LRRTM4: variants seen among roughly 807,000 people sequenced by gnomAD.
LRRTM4 encodes the protein leucine rich repeat transmembrane neuronal 4.
Under a neutral mutation model 47.6 loss-of-function variants are expected in LRRTM4, and 25 were observed. The ratio of observed to expected loss-of-function variants is 0.53; its 90% CI spans 0.38 to 0.73. The LOEUF (loss-of-function observed/expected upper bound fraction) is 0.73, where lower values mean the gene tolerates loss of function less well. Ranked by LOEUF, LRRTM4 falls within the 30% of genes least tolerant of loss-of-function variation. The pLI is 0.00. For synonymous variants in LRRTM4, 311 were observed against 269.5 expected (o/e 1.15, Z -1.51); for missense variants, 638 against 713.4 (o/e 0.89, Z 1.20).
chr2:77,407,750 T>G (rs1674271694), intron 3 of LRRTM4, among the ~76,000 whole-genome samples: 1 of 142,908 alleles, frequency 7.0e-6, no homozygotes, highest in African/African-American at 2.6e-5. Flanking sequence ...TATTCTATTA[T>G]ATTATGATAT....
At chr2:77,247,432 G>A (rs534665094) in intron 3 of LRRTM4, among the ~76,000 whole-genome samples, 16 of 152,086 alleles carry the variant, frequency 1.1e-4, no homozygotes, top group African/African-American at 1.4e-4. Context: ...TGAAAAAACC[G>A]TCTGTCTATT....
At position 76,971,648 on chromosome 2, in the gene LRRTM4, A is replaced by G. The variant is rs138941607; in HGVS notation, c.1552-222732T>C. On this transcript the variant is annotated intron_variant, in intron 3 of 3. Transcript: ENST00000409884. The stretch of plus-strand genomic sequence containing the variant: ...TGGAGCAAGCATGGGTGGTAAAAAG[A>G]GAATAAGAAGTAAGCTTGGAATTGA... Among the ~76,000 whole-genome samples, 27 of 152,186 alleles carry G rather than the reference A, an allele frequency of 1.8e-4. No homozygotes were observed. In the South Asian group the frequency reaches 3.7e-3, roughly 21 times the overall value.
chr2:77,482,083 G>A (rs1034982712), intron 3 of LRRTM4, among the ~76,000 whole-genome samples: 5 of 151,956 alleles, frequency 3.3e-5, no homozygotes, highest in East Asian at 1.9e-4. Flanking sequence ...TTATATATTC[G>A]GGTCAATGGA....
intron 3 of LRRTM4, among the ~76,000 whole-genome samples, chr2:77,175,663 G>A (rs533660600): frequency 2.0e-5 from 3 of 152,156 alleles, no homozygotes; most frequent in South Asian, 4.1e-4. Flanking sequence ...AAAATACCAT[G>A]GGCCCCCAGA....
intron 3 of LRRTM4, among the ~76,000 whole-genome samples, chr2:77,186,766 C>G (rs1673515709): frequency 6.6e-6 from 1 of 152,040 alleles, no homozygotes; most frequent in Admixed American, 6.6e-5. Context: ...GAGATTTATA[C>G]TGAGCAAATA....
chr2:77,384,401 C>G, intron 3 of LRRTM4, among the ~76,000 whole-genome samples: 1 of 151,868 alleles, frequency 6.6e-6, no homozygotes, highest in East Asian at 1.9e-4. Flanking sequence ...TCTTAAAGAA[C>G]TCAGTGTATT....
At chr2:77,119,540 G>A (rs553466267) in intron 3 of LRRTM4, among the ~76,000 whole-genome samples, 1 of 151,888 alleles carries the variant, frequency 6.6e-6, no homozygotes, top group East Asian at 1.9e-4. Context: ...ATTTATGCAA[G>A]TCATGTTTGT....
intron 3 of LRRTM4, among the ~76,000 whole-genome samples, chr2:76,957,122 A>T (rs1675700605): frequency 6.6e-6 from 1 of 151,754 alleles, no homozygotes; most frequent in African/African-American, 2.4e-5. Context: ...ACATGGATAC[A>T]CTTTAAAGAC....
chr2:77,090,854 C>T (rs540323403), intron 3 of LRRTM4, among the ~76,000 whole-genome samples: 79 of 152,230 alleles, frequency 5.2e-4, no homozygotes, highest in Middle Eastern at 3.4e-3. Flanking sequence ...TGACGCTGCC[C>T]GATTGCCTCG....
intron 3 of LRRTM4, among the ~76,000 whole-genome samples, chr2:77,377,154 T>C (rs1672870773): frequency 6.6e-6 from 1 of 151,940 alleles, no homozygotes; most frequent in Admixed American, 6.6e-5. Flanking sequence ...TTTTGTGTTT[T>C]AAACACTTTT....
chr2:77,402,378 G>C (rs918325388), intron 3 of LRRTM4, among the ~76,000 whole-genome samples: 2 of 151,794 alleles, frequency 1.3e-5, no homozygotes, highest in Non-Finnish European at 1.5e-5. Flanking sequence ...CAAACTGCTG[G>C]GCTTAAGCAA....
chr2:77,190,966 T>C (rs1046501497), intron 3 of LRRTM4, among the ~76,000 whole-genome samples: 1 of 152,210 alleles, frequency 6.6e-6, no homozygotes, highest in African/African-American at 2.4e-5. Flanking sequence ...TTTGTTATGC[T>C]ACTGAGTTTA....
intron 3 of LRRTM4, among the ~76,000 whole-genome samples, chr2:77,428,814 T>C (rs969325695): frequency 6.6e-6 from 1 of 152,216 alleles, no homozygotes; most frequent in Non-Finnish European, 1.5e-5. Context: ...TAAAGTTTAA[T>C]TGCCTTGTGA....
intron 3 of LRRTM4, among the ~76,000 whole-genome samples, chr2:77,126,335 TA>T (rs1201075992): frequency 2.6e-5 from 4 of 152,132 alleles, no homozygotes; most frequent in Non-Finnish European, 5.9e-5. Flanking sequence ...GACAAATTAA[TA>T]AAGAAATATA....
At chr2:77,365,833 G>C (rs1672421553) in intron 3 of LRRTM4, among the ~76,000 whole-genome samples, 1 of 150,364 alleles carries the variant, frequency 6.7e-6, no homozygotes, top group Admixed American at 6.7e-5. Flanking sequence ...GTATACTTAA[G>C]ACTAGGAGAA....
intron 3 of LRRTM4, among the ~76,000 whole-genome samples, chr2:76,774,131 C>T (rs984035599): frequency 1.3e-5 from 2 of 151,712 alleles, no homozygotes; most frequent in Non-Finnish European, 2.9e-5. Flanking sequence ...ATATTATATG[C>T]ATTATATGCT....
chr2:76,900,310 GAT>G (rs935300506), intron 3 of LRRTM4, among the ~76,000 whole-genome samples: 33 of 149,232 alleles, frequency 2.2e-4, no homozygotes, highest in African/African-American at 7.2e-4. Context: ...GTGGGATACT[GAT>G]ATATATAGTT....
chr2:76,801,203 A>T (rs1426386595), intron 3 of LRRTM4, among the ~76,000 whole-genome samples: 4 of 152,192 alleles, frequency 2.6e-5, no homozygotes, highest in Non-Finnish European at 2.9e-5. Context: ...TGCTATAAAG[A>T]CACATGCACA....
chr2:76,865,059 C>A (rs1672428353), intron 3 of LRRTM4, among the ~76,000 whole-genome samples: 1 of 152,114 alleles, frequency 6.6e-6, no homozygotes, highest in African/African-American at 2.4e-5. Context: ...TTACTGTGGT[C>A]CTGAAAACAT....
Sources: allele counts gnomAD v4.1 joint callset (sites outside exome capture counted in the v4.1 genomes callset), GRCh38; gene constraint gnomAD v4.1.1; transcripts MANE v1.5; gene names NCBI Gene and HGNC (gene_info 2026-07-23, HGNC 2026-07-21).